CPLANE1: variants seen among roughly 807,000 people sequenced by gnomAD.
CPLANE1 encodes ciliogenesis and planar polarity effector complex subunit 1, also known as ciliogenesis and planar polarity effector 1.
A neutral mutation model predicts 362.5 loss-of-function variants in CPLANE1; 263 were observed. The observed-to-expected ratio is 0.73, with a 90% CI of 0.66 to 0.80. CPLANE1 has a LOEUF of 0.80. Ranked by LOEUF, CPLANE1 falls within the 30% of genes least tolerant of loss-of-function variation. The probability of loss-of-function intolerance (pLI) is 0.00; values close to 1 mark genes in which losing one functional copy is unlikely to be tolerated. For missense variants in CPLANE1, 3,461 were observed against 3,793.4 expected (o/e 0.91, Z 2.30); for synonymous variants, 1,212 against 1,302.6 (o/e 0.93, Z 1.50).
rs779736527 is a variant in CPLANE1, at chr5:37,213,680, C to A, written c.2799G>T (p.Glu933Asp). 2 of 1,541,132 alleles carry A rather than the reference C, an allele frequency of 1.3e-6. No individual in the cohort carries two copies. Among genetic ancestry groups the A allele is most frequent in the South Asian group, 2.4e-5 (2 of 82,212 alleles). ...TGGACTGGACGACTCTCACTGCTGC[C>A]TCAGGATGAACACCGCCCACCATTC... The part of the protein sequence containing the change: ...ECGMVGGVHP[E>D]AAVRVVQSMA... The change falls in exon 16 of 53, where the codon GAG (glutamate) becomes GAT (aspartate). Residue 933 changes from glutamate to aspartate, a missense_variant. By Grantham distance (45) the Glu-to-Asp change is conservative (BLOSUM62 2). This residue lies in a region of CPLANE1 where 3,380 missense variants were observed against 3,666.1 expected (regional missense o/e 0.92). Transcript: ENST00000651892.
chr5:37,105,674 T>C (rs190053574), downstream of CPLANE1, among the ~76,000 whole-genome samples: 19 of 152,176 alleles, frequency 1.2e-4, no homozygotes, highest in Middle Eastern at 0.01. Context: ...TAGAATTACA[T>C]CAAGCTGAAA....
rs1781563219 is a variant in CPLANE1, at chr5:37,177,705, T to C, written c.5821-5A>G. On this transcript the variant is annotated splice_region_variant and splice_polypyrimidine_tract_variant and intron_variant, in intron 29 of 52. Transcript: ENST00000651892. Reference sequence around the variant, plus strand: ...CTGAACCTCTTCTGTGAACTCCTGTTAAAATGAATAGTACCCAAAAAGAAA... The same window carrying C: ...CTGAACCTCTTCTGTGAACTCCTGTCAAAATGAATAGTACCCAAAAAGAAA... The C allele has an allele frequency of 1.2e-6, 2 of 1,607,986 alleles. No individual in the cohort carries two copies. Among genetic ancestry groups the C allele is most frequent in the African/African-American group, 1.3e-5 (1 of 74,768 alleles).
intron 9 of CPLANE1, among the ~76,000 whole-genome samples, chr5:37,230,608 T>C (rs1004416430): frequency 6.6e-6 from 1 of 152,142 alleles, no homozygotes; most frequent in Non-Finnish European, 1.5e-5. Context: ...TTAACTTTTA[T>C]ATCAAAGAAG....
intron 51 of CPLANE1, among the ~76,000 whole-genome samples, chr5:37,111,365 C>T (rs1759261653): frequency 6.6e-6 from 1 of 151,982 alleles, no homozygotes; most frequent in Admixed American, 6.6e-5. Context: ...ACCTCATGAT[C>T]CGCCCGCCTC....
intron 44 of CPLANE1, chr5:37,140,752 T>G (rs1272106630): frequency 6.1e-6 from 6 of 985,332 alleles, no homozygotes; most frequent in Non-Finnish European, 7.2e-6. Context: ...AGTAACAAGT[T>G]GCCCTTTCTC....
At chr5:37,155,567 G>C (rs946600919) in intron 41 of CPLANE1, among the ~76,000 whole-genome samples, 2 of 152,094 alleles carry the variant, frequency 1.3e-5, no homozygotes, top group South Asian at 4.1e-4. Context: ...TAGAGACAGG[G>C]TCTCACTATG....
intron 8 of CPLANE1, among the ~76,000 whole-genome samples, chr5:37,238,389 G>A (rs1165761096): frequency 2.0e-5 from 3 of 150,968 alleles, no homozygotes; most frequent in African/African-American, 2.4e-5. Flanking sequence ...CACCATTTTG[G>A]CCAGGCTGGT....
rs188147614 is a variant in CPLANE1 at position 37,177,719 on chromosome 5, C to A, written c.5821-19G>T. On this transcript the variant is annotated intron_variant, in intron 29 of 52. Coordinates refer to ENST00000651892, the MANE Select transcript of CPLANE1 (RefSeq NM_001384732.1). ...TGAACTCCTGTTAAAATGAATAGTA[C>A]CCAAAAAGAAAACAGGTAAAACAAA... 13 of 1,592,836 alleles carry A rather than the reference C, an allele frequency of 8.2e-6. No individual in the cohort carries two copies. Among genetic ancestry groups the A allele is most frequent in the Non-Finnish European group, 1.1e-5 (13 of 1,163,092 alleles).
At chr5:37,224,808 A>G (rs1454988567) in intron 12 of CPLANE1, 68 bp from the exon 13 acceptor site, 1 of 1,087,190 alleles carries the variant, frequency 9.2e-7, no homozygotes, top group Non-Finnish European at 1.3e-6. Context: ...CCTCCTTTTT[A>G]GCCTATTTTT....
chr5:37,203,524 A>C (rs1789808973), intron 18 of CPLANE1, among the ~76,000 whole-genome samples: 1 of 152,074 alleles, frequency 6.6e-6, no homozygotes, highest in Non-Finnish European at 1.5e-5. Context: ...GTTTTGTTTC[A>C]TTTTTTGAGA....
Position 37,247,639 on chromosome 5 carries a change from T to A in CPLANE1, c.60A>T (p.Pro20=). The A allele has an allele frequency of 6.4e-7, 1 of 1,551,246 alleles. No homozygotes were observed. The highest frequency in any genetic ancestry group is 8.7e-7 in the Non-Finnish European group (1 of 1,146,506). Residue 20 remains proline, a synonymous_variant, in exon 2 of 53, where the codon CCA becomes CCT. Transcript: ENST00000651892. ...CTACCTTTCCCAACCAGGAGACACG[T>A]GGCCATGGTTTTTTCTGCTTAATAC... ...STGIKQKKPW[P]RVSWLGKEKE...
At chr5:37,115,481 T>C (rs1057316620) in intron 50 of CPLANE1, among the ~76,000 whole-genome samples, 2 of 152,084 alleles carry the variant, frequency 1.3e-5, no homozygotes, top group Admixed American at 6.6e-5. Flanking sequence ...CTTATTAATA[T>C]AATCCTCAAC....
the CPLANE1 span, among the ~76,000 whole-genome samples, chr5:37,099,942 T>C: frequency 6.6e-6 from 1 of 152,238 alleles, no homozygotes; most frequent in Non-Finnish European, 1.5e-5. Context: ...TCATGTCATT[T>C]GCCCAGCTTT....
intron 46 of CPLANE1, among the ~76,000 whole-genome samples, chr5:37,130,031 G>A (rs1197109282): frequency 6.6e-6 from 1 of 152,074 alleles, no homozygotes; most frequent in East Asian, 1.9e-4. Flanking sequence ...AAGAAATTGT[G>A]GTACACATAT....
intron 25 of CPLANE1, among the ~76,000 whole-genome samples, chr5:37,184,034 A>T (rs1783336090): frequency 6.6e-6 from 1 of 152,204 alleles, no homozygotes; most frequent in African/African-American, 2.4e-5. Flanking sequence ...GTCAGATTTT[A>T]GGAATACAAA....
downstream of CPLANE1, among the ~76,000 whole-genome samples, chr5:37,103,525 A>G (rs564152219): frequency 3.3e-5 from 5 of 152,228 alleles, no homozygotes; most frequent in African/African-American, 1.2e-4. Context: ...TTTCCACATC[A>G]GGTACTTCCT....
At chr5:37,161,898 G>T (rs1257428833) in intron 38 of CPLANE1, among the ~76,000 whole-genome samples, 2 of 152,058 alleles carry the variant, frequency 1.3e-5, no homozygotes, top group Admixed American at 1.3e-4. Flanking sequence ...CATGCACAAG[G>T]TTCTGTACAT....
chr5:37,210,580 T>G, intron 16 of CPLANE1: 1 of 1,575,402 alleles, frequency 6.3e-7, no homozygotes, highest in Non-Finnish European at 8.7e-7. Context: ...ATGAAAGAAC[T>G]TGAGCTTGAA....
the CPLANE1 span, among the ~76,000 whole-genome samples, chr5:37,095,316 G>T: frequency 6.6e-6 from 1 of 152,122 alleles, no homozygotes; most frequent in Non-Finnish European, 1.5e-5. Flanking sequence ...CACATATACA[G>T]AATTAAAAAC....
Sources: gnomAD v4.1 joint callset for allele counts (sites outside exome capture counted in the v4.1 genomes callset) on GRCh38, gnomAD v4.1.1 for gene constraint, gnomAD v4.1.1 regional missense constraint, MANE v1.5 for transcripts, NCBI Gene and HGNC (gene_info 2026-07-23, HGNC 2026-07-21) for gene names.